Variants in ABHD12 observed in about 807,000 individuals in gnomAD.
The protein encoded by ABHD12 is lysophosphatidylserine lipase ABHD12.
In ABHD12, 43 loss-of-function variants were observed where a neutral mutation model predicts 58.3. That is an observed-to-expected ratio of 0.74 (90% CI 0.58 to 0.95). The LOEUF (loss-of-function observed/expected upper bound fraction) is 0.95. Ranked by LOEUF, ABHD12 falls within the 40% of genes least tolerant of loss-of-function variation. The pLI is 0.00. For missense variants in ABHD12, 539 were observed against 537.2 expected, an observed-to-expected ratio of 1.00 and a Z score of -0.03; for synonymous variants, 219 against 211.2, an observed-to-expected ratio of 1.04 and a Z score of -0.32.
intron 1 of ABHD12, among the ~76,000 whole-genome samples, chr20:25,385,331 C>CAAAAAAAAAAAAA (rs11477490): frequency 1.9e-5 from 1 of 51,716 alleles, no homozygotes; most frequent in Admixed American, 2.9e-4. Context: ...GAGTGAGACT[C>CAAAAAAAAAAAAA]AAAAAAAAAA....
chr20:25,301,834 C>G (rs1420411815), intron 12 of ABHD12, among the ~76,000 whole-genome samples: 2 of 152,266 alleles, frequency 1.3e-5, no homozygotes, highest in Non-Finnish European at 2.9e-5. Flanking sequence ...CAAGAAGCAG[C>G]TGGGGACAAA....
chr20:25,335,967 T>TAA (rs143896972), intron 2 of ABHD12, among the ~76,000 whole-genome samples: 7 of 145,702 alleles, frequency 4.8e-5, no homozygotes, highest in African/African-American at 1.3e-4. Context: ...TAATAATAAA[T>TAA]AAAAAAAAAA....
At chr20:25,303,315 G>T in intron 11 of ABHD12, 1 of 1,412,936 alleles carries the variant, frequency 7.1e-7, no homozygotes, top group Non-Finnish European at 9.3e-7. Context: ...CTTGGAGACA[G>T]CATCAGTGGG....
intron 1 of ABHD12, among the ~76,000 whole-genome samples, chr20:25,374,245 C>T (rs778394617): frequency 2.0e-5 from 3 of 151,992 alleles, no homozygotes; most frequent in Non-Finnish European, 4.4e-5. Flanking sequence ...CAGGTGTGTG[C>T]CACCACACCT....
chr20:25,390,477 G>GGGGGGGGGGGGGGCCCCCCCCC, intron 1 of ABHD12, 36 bp downstream of exon 1: 1 of 98,530 alleles, frequency 1.0e-5, no homozygotes, highest in East Asian at 7.1e-4. Flanking sequence ...TGAGGGACCG[G>GGGGGGGGGGGGGGCCCCCCCCC]CCCCCCCCCC....
At position 25,300,538 on chromosome 20, in the gene ABHD12, G is replaced by A. The variant is rs1164748709; in HGVS notation, c.*307C>T. On this transcript the variant is annotated 3_prime_UTR_variant, in exon 13 of 13. Transcript: ENST00000339157. ...CCGGACTCCCCCTGTCCAGCTCAGT[G>A]CAGCATCAAGCAGGCAGTGATGGCT... The A allele has an allele frequency of 1.5e-6, 2 of 1,372,100 alleles. No homozygotes were observed. The highest frequency in any genetic ancestry group is 2.9e-5 in the African/African-American group (2 of 68,348). The allele number at this position is 1,372,100 out of a possible 1,614,324, so 85.0% of individuals were successfully genotyped here. A position where few individuals can be genotyped will look rare whatever the true frequency, so the allele number is the denominator to read the frequency against.
downstream of ABHD12, chr20:25,296,618 C>G (rs202155672): frequency 2.8e-6 from 4 of 1,453,822 alleles, no homozygotes; most frequent in African/African-American, 1.4e-5. Context: ...ACTGGTGGTC[C>G]CTGCTTTTCT....
At chr20:25,373,530 G>C (rs775277097) in intron 1 of ABHD12, among the ~76,000 whole-genome samples, 1 of 151,724 alleles carries the variant, frequency 6.6e-6, no homozygotes, top group African/African-American at 2.4e-5. Flanking sequence ...CTGGGATACA[G>C]ACTGAGACAC....
rs2088808654 is a variant in ABHD12 at position 25,309,471 on chromosome 20, T to G, written c.724A>C (p.Ile242Leu). Residue 242 changes from isoleucine (I) to leucine (L), a missense_variant, in exon 7 of 13, where the codon ATC (isoleucine) becomes CTC (leucine). By Grantham distance (5) the Ile-to-Leu change is conservative (BLOSUM62 2). Coordinates refer to ENST00000339157, the MANE Select transcript of ABHD12 (RefSeq NM_001042472.3). Reference protein sequence around the residue: ...KARSGDNPVYIWGHSLGTGVA... With the variant: ...KARSGDNPVYLWGHSLGTGVA... Reference sequence around the variant, plus strand: ...CCAGTGCCCAGAGAGTGGCCCCAGATGTACACGGGGTTGTCACCACTTCTT... The same window carrying G: ...CCAGTGCCCAGAGAGTGGCCCCAGAGGTACACGGGGTTGTCACCACTTCTT... 2 of 1,614,074 alleles carry G rather than the reference T, an allele frequency of 1.2e-6. No individual in the cohort carries two copies. Among genetic ancestry groups the G allele is most frequent in the Middle Eastern group, 1.6e-4 (1 of 6,084 alleles).
intron 1 of ABHD12, among the ~76,000 whole-genome samples, chr20:25,382,279 C>T (rs758396950): frequency 1.4e-4 from 22 of 152,022 alleles, no homozygotes; most frequent in Non-Finnish European, 3.2e-4. Flanking sequence ...TTGGTTCCGG[C>T]ATCCTGGCTC....
intron 2 of ABHD12, among the ~76,000 whole-genome samples, chr20:25,323,688 CAG>C (rs1462534187): frequency 1.3e-5 from 2 of 152,180 alleles, no homozygotes; most frequent in Non-Finnish European, 1.5e-5. Flanking sequence ...TGGGCAGGGA[CAG>C]AGACTGCAGT....
rs578034715 is a variant in ABHD12, at chr20:25,308,366, C to T, written c.787+91G>A. 3.7e-5 allele frequency: 55 copies of T among 1,495,360 alleles called. No individual in the cohort carries two copies. In the African/African-American group the frequency reaches 4.8e-4, roughly 13 times the overall value. The allele number at this position is 1,495,360 out of a possible 1,614,324, so 92.6% of individuals were successfully genotyped here. A position where few individuals can be genotyped will look rare whatever the true frequency, so the allele number is the denominator to read the frequency against. ...CCCAGAATGTGCAGCTCATGCTGCT[C>T]CATGAGGACGCTGAGCACTTGCAGC... On this transcript the variant is annotated intron_variant, in intron 8 of 12. Transcript: ENST00000339157.
At chr20:25,383,577 T>C (rs2090047479) in intron 1 of ABHD12, among the ~76,000 whole-genome samples, 1 of 152,168 alleles carries the variant, frequency 6.6e-6, no homozygotes, top group African/African-American at 2.4e-5. Flanking sequence ...TCCCAGCACT[T>C]TGGGAAGCCG....
downstream of ABHD12, chr20:25,300,208 CA>C (rs765931049): frequency 4.2e-4 from 414 of 996,410 alleles, no homozygotes; most frequent in Middle Eastern, 5.1e-4. Context: ...TGCAGAGAGA[CA>C]AAAGGACCAC....
At position 25,361,111 on chromosome 20, in the gene ABHD12, T is replaced by C. The variant is rs556161720; in HGVS notation, c.192-21760A>G. 6.6e-5 allele frequency among the ~76,000 whole-genome samples: 10 copies of C among 152,316 alleles called. No homozygotes were observed. The East Asian group carries it at 1.5e-3, about 24-fold the overall frequency. ...GCCCACCGCCCCTGCAATCCCACGC[T>C]AAGCGGCTGCTGAACCTCCAGTCCC... On this transcript the variant is annotated intron_variant, in intron 1 of 12. Transcript: ENST00000339157.
Position 25,303,606 on chromosome 20 carries a change from G to A in ABHD12, c.973C>T (p.Leu325=), listed in dbSNP as rs538921932. Residue 325 remains leucine, a synonymous_variant, in exon 11 of 13, where the codon CTG becomes TTG. Coordinates refer to ENST00000339157, the MANE Select transcript of ABHD12 (RefSeq NM_001042472.3). ...DENVKHISCP[L]LILHAEDDPV... is the part of the protein sequence containing the mutation. ...TCGTCCTCAGCGTGCAGGATGAGCAGGGGACAGGAGATGTGCTTCACGCTG... is the reference window on the plus strand; with the variant it reads ...TCGTCCTCAGCGTGCAGGATGAGCAAGGGACAGGAGATGTGCTTCACGCTG... 3 of 1,613,822 alleles carry A rather than the reference G, an allele frequency of 1.9e-6. No individual in the cohort carries two copies. The highest frequency in any genetic ancestry group is 2.5e-6 in the Non-Finnish European group (3 of 1,179,998).
At chr20:25,384,912 C>T (rs2090068577) in intron 1 of ABHD12, among the ~76,000 whole-genome samples, 1 of 152,106 alleles carries the variant, frequency 6.6e-6, no homozygotes, top group African/African-American at 2.4e-5. Context: ...CAGCATCCCC[C>T]AGAACTAAAA....
chr20:25,368,374 C>A lies in ABHD12; in HGVS notation c.191+22139G>T, dbSNP rs568618613. ...CCTCCACAATATTCTTGCCTTCTTT[C>A]GCCTTGCCACAGACCACATGCTTGC... is the stretch of plus-strand genomic sequence containing the variant. On this transcript the variant is annotated intron_variant, in intron 1 of 12. Coordinates refer to ENST00000339157, the MANE Select transcript of ABHD12 (RefSeq NM_001042472.3). The A allele has an allele frequency of 1.9e-6, 3 of 1,577,018 alleles. No homozygotes were observed. The East Asian group carries it at 6.7e-5, about 35-fold the overall frequency.
chr20:25,304,035 A>G (rs1354642182), intron 10 of ABHD12, among the ~76,000 whole-genome samples: 2 of 152,244 alleles, frequency 1.3e-5, no homozygotes, highest in African/African-American at 4.8e-5. Flanking sequence ...CTCCAACTCT[A>G]AACACTTAGA....
Sources: allele counts gnomAD v4.1 joint callset (sites outside exome capture counted in the v4.1 genomes callset), GRCh38; gene constraint gnomAD v4.1.1; transcripts MANE v1.5; gene names NCBI Gene and HGNC (gene_info 2026-07-23, HGNC 2026-07-21).